Variants in PELI2 observed in about 807,000 individuals in gnomAD.
The protein encoded by PELI2 is E3 ubiquitin-protein ligase pellino homolog 2.
In PELI2, 23 loss-of-function variants were observed where a neutral mutation model predicts 42.3. The observed-to-expected ratio is 0.54, with a 90% CI of 0.39 to 0.77. PELI2 has a LOEUF of 0.77. Ranked by LOEUF, PELI2 falls within the 30% of genes least tolerant of loss-of-function variation. The pLI, the probability that PELI2 is intolerant of heterozygous loss-of-function variation, is 0.00. For missense variants in PELI2, 463 were observed against 553.2 expected (o/e 0.84, Z 1.64); for synonymous variants, 245 against 212.2 (o/e 1.15, Z -1.34).
At chr14:56,238,446 A>G (rs902378894) in intron 2 of PELI2, among the ~76,000 whole-genome samples, 2 of 152,178 alleles carry the variant, frequency 1.3e-5, no homozygotes, top group African/African-American at 4.8e-5. Context: ...GGTTCTTGTC[A>G]TAAATATTTT....
At chr14:56,260,497 T>G (rs897187158) in intron 2 of PELI2, among the ~76,000 whole-genome samples, 2 of 152,162 alleles carry the variant, frequency 1.3e-5, no homozygotes, top group African/African-American at 4.8e-5. Context: ...GGCTGCACAG[T>G]CATGAAGGAA....
At chr14:56,162,951 AT>A (rs35985019) in intron 1 of PELI2, among the ~76,000 whole-genome samples, 60,912 of 150,880 alleles carry the variant, frequency 0.4, 12,942 homozygotes, top group South Asian at 0.52. Flanking sequence ...GGATTGTTAG[AT>A]TTTTTTTTTG....
At position 56,178,563 on chromosome 14, in the gene PELI2, A is replaced by T. The variant is rs1885468719; in HGVS notation, c.207+99A>T. 6 of 1,337,802 alleles carry T rather than the reference A, an allele frequency of 4.5e-6. No homozygotes were observed. The Admixed American group carries it at 1.1e-4, about 23-fold the overall frequency. 82.9% of individuals were successfully genotyped at this position (1,337,802 alleles called of 1,614,324 possible). On this transcript the variant is annotated intron_variant, in intron 2 of 5. Coordinates refer to ENST00000267460, the MANE Select transcript of PELI2 (RefSeq NM_021255.3). ...CTTTCCTTTCGTCTTTTCATGTAGG[A>T]CAGTCTCTCAGACCATTTGAGGCTG...
At chr14:56,237,079 C>T (rs895272363) in intron 2 of PELI2, among the ~76,000 whole-genome samples, 2 of 152,128 alleles carry the variant, frequency 1.3e-5, no homozygotes, top group South Asian at 2.1e-4. Flanking sequence ...AGCAAATGTC[C>T]CCTCCTTGCT....
At chr14:56,238,113 A>C (rs1047418134) in intron 2 of PELI2, among the ~76,000 whole-genome samples, 1 of 135,434 alleles carries the variant, frequency 7.4e-6, no homozygotes, top group Non-Finnish European at 1.7e-5. Context: ...AAATCTCCTA[A>C]GTTGTTTAAA....
At chr14:56,244,799 A>G (rs1366757461) in intron 2 of PELI2, among the ~76,000 whole-genome samples, 2 of 152,262 alleles carry the variant, frequency 1.3e-5, no homozygotes, top group African/African-American at 4.8e-5. Flanking sequence ...TGGTCTTGAT[A>G]TGAGTAAAGA....
chr14:56,170,609 C>G (rs1885130369), intron 1 of PELI2, among the ~76,000 whole-genome samples: 1 of 152,178 alleles, frequency 6.6e-6, no homozygotes, highest in Non-Finnish European at 1.5e-5. Context: ...AGCCTTTTAT[C>G]TGTCCACTAG....
At chr14:56,225,485 C>A (rs1410313987) in intron 2 of PELI2, among the ~76,000 whole-genome samples, 1 of 152,082 alleles carries the variant, frequency 6.6e-6, no homozygotes, top group African/African-American at 2.4e-5. Flanking sequence ...CCTGGAGCTC[C>A]CAGAATGATG....
At chr14:56,269,288 A>G (rs1365794497) in intron 2 of PELI2, among the ~76,000 whole-genome samples, 1 of 151,978 alleles carries the variant, frequency 6.6e-6, no homozygotes, top group African/African-American at 2.4e-5. Context: ...AAAAAAATAC[A>G]AAAAATTAGC....
chr14:56,131,224 G>T (rs944968452), intron 1 of PELI2, among the ~76,000 whole-genome samples: 1 of 152,162 alleles, frequency 6.6e-6, no homozygotes, highest in African/African-American at 2.4e-5. Context: ...TTTGCTTATT[G>T]TATTAGCTTA....
At chr14:56,291,013 A>G (rs1226013192) in intron 5 of PELI2, among the ~76,000 whole-genome samples, 2 of 152,176 alleles carry the variant, frequency 1.3e-5, no homozygotes, top group Non-Finnish European at 2.9e-5. Flanking sequence ...ATATTTTCCT[A>G]TAAATATCAC....
intron 1 of PELI2, among the ~76,000 whole-genome samples, chr14:56,150,606 A>G (rs1359853110): frequency 6.6e-6 from 1 of 152,196 alleles, no homozygotes; most frequent in Non-Finnish European, 1.5e-5. Flanking sequence ...TGAGGTATTT[A>G]TAGTACTTGG....
intron 2 of PELI2, among the ~76,000 whole-genome samples, chr14:56,251,231 T>TC (rs375350230): frequency 9.7e-4 from 147 of 152,330 alleles, no homozygotes; most frequent in African/African-American, 3.4e-3. Context: ...CGGCAGAGGC[T>TC]CCTTCAGAGC....
rs150088474 is a variant in PELI2 at position 56,276,567 on chromosome 14, A to G, written c.208-3109A>G. Among the ~76,000 whole-genome samples, 969 of 152,246 alleles carry G rather than the reference A, an allele frequency of 6.4e-3. 16 individuals carry two copies. Among genetic ancestry groups the G allele is most frequent in the African/African-American group, 0.021 (879 of 41,546 alleles). Reference sequence around the variant, plus strand: ...AACTGGAAGTGACTTCGAGGTGACTATCATGCTAGTTCCGAAGTTCCTCAG... The same window carrying G: ...AACTGGAAGTGACTTCGAGGTGACTGTCATGCTAGTTCCGAAGTTCCTCAG... On this transcript the variant is annotated intron_variant, in intron 2 of 5. Transcript: ENST00000267460.
At chr14:56,257,164 C>T (rs772143450) in intron 2 of PELI2, among the ~76,000 whole-genome samples, 27 of 152,160 alleles carry the variant, frequency 1.8e-4, no homozygotes, top group Non-Finnish European at 2.9e-4. Flanking sequence ...AAGTACCTGC[C>T]AGATCAGAGA....
At chr14:56,294,869 T>A (rs372869966) in intron 5 of PELI2, among the ~76,000 whole-genome samples, 2 of 152,216 alleles carry the variant, frequency 1.3e-5, no homozygotes, top group African/African-American at 4.8e-5. Flanking sequence ...CTATAAGACA[T>A]GTATTGGCAT....
At chr14:56,198,284 G>T (rs1886212315) in intron 2 of PELI2, among the ~76,000 whole-genome samples, 1 of 152,100 alleles carries the variant, frequency 6.6e-6, no homozygotes, top group South Asian at 2.1e-4. Context: ...GCACAAATTG[G>T]ATACATGAAT....
intron 3 of PELI2, among the ~76,000 whole-genome samples, chr14:56,285,526 G>T (rs1320925793): frequency 6.6e-6 from 1 of 152,138 alleles, no homozygotes; most frequent in African/African-American, 2.4e-5. Flanking sequence ...ATACTATTTA[G>T]GGAGAGAACA....
intron 2 of PELI2, among the ~76,000 whole-genome samples, chr14:56,227,674 G>C (rs1249790445): frequency 6.6e-6 from 1 of 152,212 alleles, no homozygotes; most frequent in African/African-American, 2.4e-5. Flanking sequence ...TCCAGTAGCA[G>C]TAAGTACAGC....
Sources: gnomAD v4.1 joint callset for allele counts (sites outside exome capture counted in the v4.1 genomes callset) on GRCh38, gnomAD v4.1.1 for gene constraint, MANE v1.5 for transcripts, NCBI Gene and HGNC (gene_info 2026-07-23, HGNC 2026-07-21) for gene names.